LRP1: variants seen among roughly 807,000 people sequenced by gnomAD.
LRP1 encodes prolow-density lipoprotein receptor-related protein 1.
LRP1 carries 51 observed loss-of-function variants against 541.5 expected under a neutral mutation model. The observed-to-expected ratio is 0.09, with a 90% CI of 0.08 to 0.12. The LOEUF (loss-of-function observed/expected upper bound fraction) is 0.12, where lower values mean the gene tolerates loss of function less well. Ranked by LOEUF, LRP1 falls within the 10% of genes least tolerant of loss-of-function variation. The probability of loss-of-function intolerance (pLI) is 1.00; values close to 1 mark genes in which losing one functional copy is unlikely to be tolerated. For synonymous variants in LRP1, 2,219 were observed against 2,470.8 expected, an observed-to-expected ratio of 0.90 and a Z score of 3.02; for missense variants, 3,878 against 6,376.2, an observed-to-expected ratio of 0.61 and a Z score of 13.34.
intron 1 of LRP1, among the ~76,000 whole-genome samples, chr12:57,134,139 G>C (rs1267332242): frequency 6.6e-6 from 1 of 152,086 alleles, no homozygotes; most frequent in African/African-American, 2.4e-5. Flanking sequence ...GTTTGGGGGG[G>C]TGGGGCAGGG....
Position 57,197,451 on chromosome 12 carries a change from C to G in LRP1, c.9162+67C>G. The stretch of plus-strand genomic sequence containing the variant: ...ACCCAGCACAGCCTCCCTTGCAAGT[C>G]TCCCCGCTTAGGTCCAACCATCCCT... On this transcript the variant is annotated intron_variant, in intron 57 of 88. Coordinates refer to ENST00000243077, the MANE Select transcript of LRP1 (RefSeq NM_002332.3). The surrounding 1 kb of genome is among the most constrained non-coding windows in gnomAD (Gnocchi z 4.5). The G allele has an allele frequency of 6.2e-7, 1 of 1,610,600 alleles. No homozygotes were observed. The highest frequency in any genetic ancestry group is 8.5e-7 in the Non-Finnish European group (1 of 1,177,412).
In LRP1 at chr12:57,193,573, C is replaced by T; in HGVS notation, c.7692C>T (p.Arg2564=). Residue 2564 remains arginine (R), a synonymous_variant, in exon 47 of 89, where the codon CGC becomes CGT. Transcript: ENST00000243077. ...CTACTCCTCCATTTGCAGACTCCCG[C>T]CGCTGCAAGAAGACTTTCCGGCAGT... The part of the protein sequence containing the change: ...SDEKPSYCNS[R]RCKKTFRQCS... 1 of 1,613,910 alleles carries T rather than the reference C, an allele frequency of 6.2e-7. No homozygotes were observed. The highest frequency in any genetic ancestry group is 8.5e-7 in the Non-Finnish European group (1 of 1,179,904).
rs912819038 is a variant in LRP1, at chr12:57,169,551, C to T, written c.3163+244C>T. The stretch of plus-strand genomic sequence containing the variant: ...CAGTTGGTGGCCTTGGGTTTGAGCT[C>T]CAGCTCTGCAGCTTATTATCTGGGT... On this transcript the variant is annotated intron_variant, in intron 20 of 88. Coordinates refer to ENST00000243077, the MANE Select transcript of LRP1 (RefSeq NM_002332.3). Among the ~76,000 whole-genome samples, 3 of 152,170 alleles carry T rather than the reference C, an allele frequency of 2.0e-5. No individual in the cohort carries two copies. In the East Asian group the frequency reaches 5.8e-4, roughly 29 times the overall value.
chr12:57,166,127 C>T lies in LRP1; in HGVS notation c.2715C>T (p.Asn905=). Residue 905 remains asparagine, a synonymous_variant, in exon 17 of 89, where the codon AAC becomes AAT. Coordinates refer to ENST00000243077, the MANE Select transcript of LRP1 (RefSeq NM_002332.3). ...CPSDRFKCEN[N]RCIPNRWLCD... is the part of the protein sequence containing the mutation. ...CGGACCGATTCAAGTGCGAGAACAA[C>T]CGGTGCATCCCCAACCGCTGGCTCT... 1.9e-6 allele frequency: 3 copies of T among 1,614,234 alleles called. No individual in the cohort carries two copies. Among genetic ancestry groups the T allele is most frequent in the Non-Finnish European group, 2.5e-6 (3 of 1,180,042 alleles).
rs1405715044 is a variant in LRP1, at chr12:57,212,834, C to T, written c.*279C>T. ...CACCTCCTACCCTCCCACCAGAACG[C>T]ACCCCACTGGGAGAGCTGGTGGTGC... On this transcript the variant is annotated 3_prime_UTR_variant, in exon 89 of 89. Transcript: ENST00000243077. The surrounding 1 kb of genome is among the most constrained non-coding windows in gnomAD (Gnocchi z 5.0). The T allele has an allele frequency of 2.5e-6, 1 of 392,768 alleles. No individual in the cohort carries two copies. Among genetic ancestry groups the T allele is most frequent in the African/African-American group, 2.1e-5 (1 of 47,688 alleles). The allele number at this position is 392,768 out of a possible 1,614,324, so 24.3% of individuals were successfully genotyped here. A position where few individuals can be genotyped will look rare whatever the true frequency, so the allele number is the denominator to read the frequency against.
intron 76 of LRP1, among the ~76,000 whole-genome samples, chr12:57,207,129 G>A (rs1273919108): frequency 1.3e-5 from 2 of 152,014 alleles, no homozygotes; most frequent in South Asian, 2.1e-4. Flanking sequence ...TGTAGTCCCA[G>A]CTACTTGGGA....
chr12:57,195,433 G>A, intron 52 of LRP1, 34 bp downstream of exon 52: 2 of 1,596,750 alleles, frequency 1.3e-6, no homozygotes, highest in Non-Finnish European at 1.7e-6. Flanking sequence ...CGGGTGGACA[G>A]CAAATGGCCA....
rs190919773 is a variant in LRP1, at chr12:57,205,296, C to T, written c.11335+47C>T. On this transcript the variant is annotated intron_variant, in intron 73 of 88. Coordinates refer to ENST00000243077, the MANE Select transcript of LRP1 (RefSeq NM_002332.3). This position sits in a 1 kb window ranked among gnomAD's most constrained non-coding sequence, Gnocchi z 4.6. ...GACGCTGGTGGGGAGTGGGGAGAGC[C>T]AAGCCCTGGCCTGGGGTGGCTCAAG... 452 of 1,594,198 alleles carry T rather than the reference C, an allele frequency of 2.8e-4. 4 individuals are homozygous for T. In the East Asian group the frequency reaches 9.9e-3, roughly 35 times the overall value.
Position 57,200,826 on chromosome 12 carries a change from G to GGGGGGGGGCCC in LRP1, c.10225+11_10225+12insGGGGGGGGCCC. On this transcript the variant is annotated intron_variant, in intron 64 of 88. Coordinates refer to ENST00000243077, the MANE Select transcript of LRP1 (RefSeq NM_002332.3). The stretch of plus-strand genomic sequence containing the variant: ...ACGAGGCCAACTGTGGTAAGGCGCT[G>GGGGGGGGGCCC]CCCGCCCACCCTCCCTCCTTCCCCA... The GGGGGGGGGCCC allele has an allele frequency of 1.9e-6, 3 of 1,581,396 alleles. No individual in the cohort carries two copies. The highest frequency in any genetic ancestry group is 2.6e-6 in the Non-Finnish European group (3 of 1,157,644).
intron 44 of LRP1, 115 bp downstream of exon 44, chr12:57,191,627 C>G: frequency 1.2e-6 from 1 of 825,104 alleles, no homozygotes; most frequent in South Asian, 1.7e-5. Context: ...ATACCACACA[C>G]ACACATCCCA....
In LRP1 at chr12:57,180,794, G is replaced by C. The variant is rs777531183; in HGVS notation, c.5514G>C (p.Glu1838Asp). 8.7e-6 allele frequency: 14 copies of C among 1,613,978 alleles called. No homozygotes were observed. The South Asian group carries it at 1.1e-4, about 13-fold the overall frequency. ...TGATGCACATGAAGGTCTATGACGAGAGCATCCAGCTGGGTAGGTGCGAGG... is the reference window on the plus strand; with the variant it reads ...TGATGCACATGAAGGTCTATGACGACAGCATCCAGCTGGGTAGGTGCGAGG... ...TLVMHMKVYDESIQLDHKGTN... is the reference protein window; with the variant it reads ...TLVMHMKVYDDSIQLDHKGTN... The change falls in exon 33 of 89, where the codon GAG becomes GAC. Residue 1838 changes from glutamate (E) to aspartate (D), a missense_variant. Glu to Asp is a conservative substitution (Grantham distance 45). Around this residue, in one of 13 missense-constraint regions of LRP1, gnomAD observed 394 missense variants for 635.9 expected, o/e 0.62. Transcript: ENST00000243077.
At chr12:57,166,530 CA>C (rs1445989994) in intron 17 of LRP1, 7 of 393,304 alleles carry the variant, frequency 1.8e-5, no homozygotes, top group Non-Finnish European at 3.2e-5. Context: ...CACTGCTCTC[CA>C]GCCTAGACAA....
chr12:57,210,824 C>T lies in LRP1; in HGVS notation c.12861C>T (p.Gly4287=). Reference sequence around the variant, plus strand: ...ACAGCACCTGCACTGTCAACCAGGGCAACCAGCCCCAGTGCCGATGCCTAC... The same window carrying T: ...ACAGCACCTGCACTGTCAACCAGGGTAACCAGCCCCAGTGCCGATGCCTAC... ...ANNSTCTVNQ[G]NQPQCRCLPG... The change falls in exon 83 of 89, where the codon GGC becomes GGT. Residue 4287 remains glycine (G), a synonymous_variant. Coordinates refer to ENST00000243077, the MANE Select transcript of LRP1 (RefSeq NM_002332.3). 20 of 1,613,380 alleles carry T rather than the reference C, an allele frequency of 1.2e-5. No homozygotes were observed. The highest frequency in any genetic ancestry group is 1.7e-5 in the Non-Finnish European group (20 of 1,179,818).
intron 12 of LRP1, 46 bp from the exon 13 acceptor site, chr12:57,160,847 T>C (rs1314614600): frequency 6.7e-7 from 1 of 1,502,088 alleles, no homozygotes; most frequent in African/African-American, 1.4e-5. Flanking sequence ...GGGAGGCTGT[T>C]GATGGCGGGG....
At chr12:57,200,568 C>T (rs1217136041) in intron 63 of LRP1, 33 bp downstream of exon 63, 2 of 1,597,146 alleles carry the variant, frequency 1.3e-6, no homozygotes, top group Non-Finnish European at 1.7e-6. Flanking sequence ...AGGAGGGCCC[C>T]CAGCTGTGTC....
At position 57,178,824 on chromosome 12, in the gene LRP1, G is replaced by C. The variant is rs896442400; in HGVS notation, c.4607-66G>C. The C allele has an allele frequency of 1.9e-6, 3 of 1,558,514 alleles. No homozygotes were observed. The Admixed American group carries it at 5.6e-5, about 29-fold the overall frequency. On this transcript the variant is annotated intron_variant, in intron 27 of 88. Coordinates refer to ENST00000243077, the MANE Select transcript of LRP1 (RefSeq NM_002332.3). This position sits in a 1 kb window ranked among gnomAD's most constrained non-coding sequence, Gnocchi z 5.8. ...GGAGGAGAGTGGGCGAGGAAGGGGTGGTCCATGTAGGGAGCAGCAAGTCAC... is the reference window on the plus strand; with the variant it reads ...GGAGGAGAGTGGGCGAGGAAGGGGTCGTCCATGTAGGGAGCAGCAAGTCAC...
At chr12:57,190,076 G>A (rs959851214) in intron 42 of LRP1, among the ~76,000 whole-genome samples, 2 of 152,180 alleles carry the variant, frequency 1.3e-5, no homozygotes, top group Admixed American at 6.5e-5. Context: ...GGCTCAGAGG[G>A]GCGACAGGCT....
chr12:57,177,421 C>T lies in LRP1; in HGVS notation c.4197-6C>T. ...TTAGCCCTCCTGACCCCTCCCCACT[C>T]CCCAGGATCCTGTTTTGGACAGACT... On this transcript the variant is annotated splice_region_variant and splice_polypyrimidine_tract_variant and intron_variant, in intron 25 of 88. Transcript: ENST00000243077. The surrounding 1 kb of genome is among the most constrained non-coding windows in gnomAD (Gnocchi z 6.8). The T allele has an allele frequency of 6.3e-7, 1 of 1,585,662 alleles. No homozygotes were observed. The highest frequency in any genetic ancestry group is 2.2e-5 in the East Asian group (1 of 44,690).
rs150481288 is a variant in LRP1 at position 57,205,231 on chromosome 12, G to C, written c.11317G>C (p.Glu3773Gln). ...CGATGACTGCGGGGACGGCTCTGAC[G>C]AGGAGGACTGCAGCATCGGTGAGGC... is the stretch of plus-strand genomic sequence containing the variant. ...MFDDCGDGSDEEDCSIDPKLT... is the reference protein window; with the variant it reads ...MFDDCGDGSDQEDCSIDPKLT... The change falls in exon 73 of 89, where the codon GAG (glutamate) becomes CAG (glutamine). Residue 3773 changes from glutamate (E) to glutamine (Q), a missense_variant. Transcript: ENST00000243077. This position sits in a 1 kb window ranked among gnomAD's most constrained non-coding sequence, Gnocchi z 4.6. The C allele has an allele frequency of 6.2e-7, 1 of 1,613,052 alleles. No homozygotes were observed. The highest frequency in any genetic ancestry group is 1.3e-5 in the African/African-American group (1 of 74,916).
Sources: gnomAD v4.1 joint callset for allele counts (sites outside exome capture counted in the v4.1 genomes callset) on GRCh38, gnomAD v4.1.1 for gene constraint, gnomAD v4.1.1 regional missense constraint, Gnocchi (gnomAD v3.1) non-coding constraint, MANE v1.5 for transcripts, NCBI Gene and HGNC (gene_info 2026-07-23, HGNC 2026-07-21) for gene names.